MLXIP: variants seen among roughly 807,000 people sequenced by gnomAD.
MLXIP encodes the protein MLX-interacting protein.
A neutral mutation model predicts 87.2 loss-of-function variants in MLXIP; 30 were observed. The observed-to-expected ratio is 0.34, with a 90% CI of 0.26 to 0.47. The LOEUF is 0.47. Ranked by LOEUF, MLXIP falls within the 20% of genes least tolerant of loss-of-function variation. The pLI is 1.00. For missense variants in MLXIP, 1,002 were observed against 1,240.1 expected, an observed-to-expected ratio of 0.81 and a Z score of 2.88; for synonymous variants, 530 against 514.0, an observed-to-expected ratio of 1.03 and a Z score of -0.42.
chr12:122,121,695 TCTTA>T (rs1565977287), intron 1 of MLXIP, among the ~76,000 whole-genome samples: 1 of 152,170 alleles, frequency 6.6e-6, no homozygotes, highest in Non-Finnish European at 1.5e-5. Flanking sequence ...CTGCCCCTGT[TCTTA>T]CTTCCAGCTT....
chr12:122,108,575 C>T (rs763324495), intron 1 of MLXIP, among the ~76,000 whole-genome samples: 11 of 151,954 alleles, frequency 7.2e-5, no homozygotes, highest in Admixed American at 1.3e-4. Flanking sequence ...TCTCCCTGCT[C>T]GACTCCTCCC....
chr12:122,128,806 G>C (rs943471055), intron 3 of MLXIP: 3 of 249,654 alleles, frequency 1.2e-5, no homozygotes, highest in Non-Finnish European at 2.3e-5. Flanking sequence ...GGGCATTTAT[G>C]GGGGGGCTTG....
intron 1 of MLXIP, among the ~76,000 whole-genome samples, chr12:122,115,724 G>T (rs1371293580): frequency 6.6e-6 from 1 of 151,712 alleles, no homozygotes; most frequent in Admixed American, 6.6e-5. Context: ...CAAAGCATTA[G>T]TACCACTAAT....
chr12:122,132,389 G>A lies in MLXIP; in HGVS notation c.1092+6G>A, dbSNP rs1215125137. On this transcript the variant is annotated splice_donor_region_variant and intron_variant, in intron 8 of 16. Coordinates refer to ENST00000319080, the MANE Select transcript of MLXIP (RefSeq NM_014938.6). ...CCAACAACCCACCTGCACAGGTAGA[G>A]GAAGCTGGGGGATGGGTGGGGGAAG... 22 of 1,604,624 alleles carry A rather than the reference G, an allele frequency of 1.4e-5. No individual in the cohort carries two copies. Among genetic ancestry groups the A allele is most frequent in the African/African-American group, 8.0e-5 (6 of 74,720 alleles).
chr12:122,105,377 C>A (rs191733523), intron 1 of MLXIP, among the ~76,000 whole-genome samples: 1 of 150,408 alleles, frequency 6.6e-6, no homozygotes, highest in Admixed American at 6.6e-5. Context: ...GACGGAGTTT[C>A]GCTCTTGTTG....
At chr12:122,132,544 T>A (rs1952999853) in intron 8 of MLXIP, 161 bp downstream of exon 8, 6 of 618,588 alleles carry the variant, frequency 9.7e-6, no homozygotes, top group Non-Finnish European at 1.7e-5. Flanking sequence ...CACGATTCCA[T>A]CCCTCTTTTA....
At chr12:122,093,212 G>A (rs1448429056) in intron 1 of MLXIP, among the ~76,000 whole-genome samples, 2 of 148,986 alleles carry the variant, frequency 1.3e-5, no homozygotes, top group African/African-American at 5.0e-5. Context: ...GGTGTGTGTT[G>A]GTGTGTGGTG....
chr12:122,099,876 T>A (rs1176233380), intron 1 of MLXIP, among the ~76,000 whole-genome samples: 1 of 151,966 alleles, frequency 6.6e-6, no homozygotes, highest in African/African-American at 2.4e-5. Context: ...CATGGAAAGG[T>A]GTTTGTAGTG....
In MLXIP at chr12:122,137,725, C is replaced by CAAGGAGAAGCCCAT; in HGVS notation, c.2154+135_2154+136insAAGGAGAAGCCCAT. 1 of 1,396,382 alleles carries CAAGGAGAAGCCCAT rather than the reference C, an allele frequency of 7.2e-7. No individual in the cohort carries two copies. The allele number at this position is 1,396,382 out of a possible 1,614,324, so 86.5% of individuals were successfully genotyped here. The stretch of plus-strand genomic sequence containing the variant: ...CAGGCAGGGGTGGATCAGAAATGGG[C>CAAGGAGAAGCCCAT]TTCTCCTTGCCCCATGCCACGAACC... On this transcript the variant is annotated intron_variant, in intron 12 of 16. Coordinates refer to ENST00000319080, the MANE Select transcript of MLXIP (RefSeq NM_014938.6). This position sits in a 1 kb window ranked among gnomAD's most constrained non-coding sequence, Gnocchi z 4.1.
chr12:122,135,645 C>A lies in MLXIP; in HGVS notation c.2011C>A (p.Gln671Lys). ...EQVPLHGGSP[Q>K]VTVTGPSRDC... ...GGTCCCGCTGCATGGGGGCAGCCCC[C>A]AGGTCACTGTCACAGGGCCCAGTGA... Residue 671 changes from glutamine (Q) to lysine (K), a missense_variant, in exon 11 of 17, where the codon CAG becomes AAG. Around this residue, in one of 3 missense-constraint regions of MLXIP, gnomAD observed 746 missense variants for 897.0 expected, o/e 0.83. Transcript: ENST00000319080. This position sits in a 1 kb window ranked among gnomAD's most constrained non-coding sequence, Gnocchi z 5.3. 1 of 1,527,568 alleles carries A rather than the reference C, an allele frequency of 6.5e-7. No homozygotes were observed. The highest frequency in any genetic ancestry group is 2.4e-5 in the East Asian group (1 of 42,044). The allele number at this position is 1,527,568 out of a possible 1,614,324, so 94.6% of individuals were successfully genotyped here.
chr12:122,082,261 C>T (rs1240060753), intron 1 of MLXIP, among the ~76,000 whole-genome samples: 2 of 152,104 alleles, frequency 1.3e-5, no homozygotes, highest in East Asian at 1.9e-4. Flanking sequence ...AGCCCTGTGG[C>T]GAAGGGTCTT....
intron 6 of MLXIP, among the ~76,000 whole-genome samples, chr12:122,130,360 G>C: frequency 6.6e-6 from 1 of 152,090 alleles, no homozygotes; most frequent in South Asian, 2.1e-4. Context: ...TGGGAGGACA[G>C]CAGCAGGGTC....
At chr12:122,126,019 G>A (rs1952876246) in intron 1 of MLXIP, among the ~76,000 whole-genome samples, 1 of 152,208 alleles carries the variant, frequency 6.6e-6, no homozygotes, top group Admixed American at 6.5e-5. Context: ...CTGGAGAAGG[G>A]GCAGGGCTGT....
At chr12:122,103,209 ATTTATTTATTTATTTATTTATT>A (rs879474000) in intron 1 of MLXIP, among the ~76,000 whole-genome samples, 520 of 47,406 alleles carry the variant, frequency 0.011, 3 homozygotes, top group Non-Finnish European at 0.016. Context: ...GTATTTATTT[ATTTATTTATTTATTTATTTATT>A]TATTTATTTT....
chr12:122,083,893 T>G (rs1952127374), intron 1 of MLXIP, among the ~76,000 whole-genome samples: 2 of 152,224 alleles, frequency 1.3e-5, no homozygotes, highest in African/African-American at 2.4e-5. Context: ...TTGGTTTTTC[T>G]CTTTTGCAGT....
In MLXIP at chr12:122,133,514, C is replaced by T. The variant is rs765448600; in HGVS notation, c.1259C>T (p.Pro420Leu). 4 of 1,611,622 alleles carry T rather than the reference C, an allele frequency of 2.5e-6. No individual in the cohort carries two copies. In the Admixed American group the frequency reaches 5.0e-5, roughly 20 times the overall value. The stretch of plus-strand genomic sequence containing the variant: ...CCCACGGACTTCGGTCCCTCAGAGC[C>T]GCCACTGAGTGTCCCGCAGCCCTTC... ...IQPTDFGPSE[P>L]PLSVPQPFLP... Residue 420 changes from proline (P) to leucine (L), a missense_variant, in exon 9 of 17, where the codon CCG (proline) becomes CTG (leucine). This residue lies in a region of MLXIP where 746 missense variants were observed against 897.0 expected (regional missense o/e 0.83). Coordinates refer to ENST00000319080, the MANE Select transcript of MLXIP (RefSeq NM_014938.6). The surrounding 1 kb of genome is among the most constrained non-coding windows in gnomAD (Gnocchi z 4.9).
At chr12:122,095,567 T>A (rs1952339175) in intron 1 of MLXIP, among the ~76,000 whole-genome samples, 1 of 152,156 alleles carries the variant, frequency 6.6e-6, no homozygotes, top group Admixed American at 6.5e-5. Flanking sequence ...AGGACCTTAC[T>A]TTTTGGAATT....
At chr12:122,114,280 C>G (rs1188971481) in intron 1 of MLXIP, among the ~76,000 whole-genome samples, 1 of 152,240 alleles carries the variant, frequency 6.6e-6, no homozygotes, top group African/African-American at 2.4e-5. Flanking sequence ...GCCACTGCGC[C>G]TGGCTGACTG....
chr12:122,102,006 G>A (rs1414327126), intron 1 of MLXIP, among the ~76,000 whole-genome samples: 1 of 152,160 alleles, frequency 6.6e-6, no homozygotes, highest in Non-Finnish European at 1.5e-5. Flanking sequence ...GACTATCCTT[G>A]TTTATAGCTC....
Sources: allele counts gnomAD v4.1 joint callset (sites outside exome capture counted in the v4.1 genomes callset), GRCh38; gene constraint gnomAD v4.1.1; regional missense constraint gnomAD v4.1.1; non-coding constraint Gnocchi (gnomAD v3.1); transcripts MANE v1.5; gene names NCBI Gene and HGNC (gene_info 2026-07-23, HGNC 2026-07-21).